RPH3A: variants seen among roughly 807,000 people sequenced by gnomAD.
RPH3A encodes rabphilin 3A.
RPH3A carries 48 observed loss-of-function variants against 102.2 expected under a neutral mutation model. The observed-to-expected ratio is 0.47, with a 90% CI of 0.37 to 0.60. The LOEUF is 0.60. Ranked by LOEUF, RPH3A falls within the 20% of genes least tolerant of loss-of-function variation. RPH3A has a pLI of 0.00. For synonymous variants in RPH3A, 310 were observed against 324.3 expected (o/e 0.96, Z 0.47); for missense variants, 781 against 910.1 (o/e 0.86, Z 1.83).
intron 1 of RPH3A, among the ~76,000 whole-genome samples, chr12:112,699,257 A>G (rs1167210303): frequency 6.6e-6 from 1 of 152,220 alleles, no homozygotes; most frequent in Non-Finnish European, 1.5e-5. Flanking sequence ...TATAGTTACT[A>G]TATGACCCAG....
intron 1 of RPH3A, among the ~76,000 whole-genome samples, chr12:112,733,793 A>G (rs2040650310): frequency 6.6e-6 from 1 of 152,214 alleles, no homozygotes; most frequent in Admixed American, 6.5e-5. Context: ...CAGAGTGGGC[A>G]TGGCAGATGC....
At chr12:112,768,641 A>C (rs2040907377) in intron 1 of RPH3A, among the ~76,000 whole-genome samples, 1 of 152,206 alleles carries the variant, frequency 6.6e-6, no homozygotes, top group Non-Finnish European at 1.5e-5. Flanking sequence ...GGCTGGATAC[A>C]GTGGCTAATG....
intron 1 of RPH3A, among the ~76,000 whole-genome samples, chr12:112,785,851 T>C (rs1210847928): frequency 2.6e-5 from 4 of 152,166 alleles, no homozygotes; most frequent in Non-Finnish European, 2.9e-5. Context: ...TCCTCTTACT[T>C]ATGGTCACTT....
At chr12:112,811,418 C>A (rs1373471270) in intron 2 of RPH3A, among the ~76,000 whole-genome samples, 1 of 152,124 alleles carries the variant, frequency 6.6e-6, no homozygotes, top group Non-Finnish European at 1.5e-5. Context: ...AAATCACAGC[C>A]TTCCTGCTCC....
intron 4 of RPH3A, among the ~76,000 whole-genome samples, chr12:112,838,209 C>T (rs528466022): frequency 1.4e-4 from 22 of 152,198 alleles, no homozygotes; most frequent in Admixed American, 4.6e-4. Flanking sequence ...AGGAGCACTA[C>T]GTGGAGGAGA....
rs1308907592 is a variant in RPH3A, at chr12:112,791,891, A to AGAGAGAGAGAGAGAGAGAGAGAGAGG, written c.-247_-246insGAGAGAGAGAGGGAGAGAGAGAGAGA. ...GGGAGAGAGAGAGAGAGAGAGAGAG[A>AGAGAGAGAGAGAGAGAGAGAGAGAGG]GAGAGAGAGAGAGACTCACAGAGCT... is the stretch of plus-strand genomic sequence containing the variant. On this transcript the variant is annotated 5_prime_UTR_variant, in exon 1 of 22. Coordinates refer to ENST00000389385, the MANE Select transcript of RPH3A (RefSeq NM_001143854.2). 1 of 150,538 alleles carries AGAGAGAGAGAGAGAGAGAGAGAGAGG rather than the reference A, an allele frequency of 6.6e-6. No individual in the cohort carries two copies. The highest frequency in any genetic ancestry group is 1.5e-5 in the Non-Finnish European group (1 of 67,676). The allele number at this position is 150,538 out of a possible 1,614,324, so 9.3% of individuals were successfully genotyped here.
At chr12:112,694,650 G>GCACACA (rs71086119) in intron 1 of RPH3A, among the ~76,000 whole-genome samples, 120 of 98,592 alleles carry the variant, frequency 1.2e-3, no homozygotes, top group East Asian at 7.0e-3. Context: ...GCGCGCACAC[G>GCACACA]CACACACACA....
At chr12:112,834,430 A>G (rs1392273990) in intron 3 of RPH3A, among the ~76,000 whole-genome samples, 1 of 152,238 alleles carries the variant, frequency 6.6e-6, no homozygotes, top group Non-Finnish European at 1.5e-5. Flanking sequence ...TTGTATAGAC[A>G]CATACTTTCA....
chr12:112,809,457 G>T lies in RPH3A; in HGVS notation c.-19+17194G>T, dbSNP rs545746243. 2.7e-4 allele frequency among the ~76,000 whole-genome samples: 41 copies of T among 152,150 alleles called. 1 individual carries two copies. The South Asian group carries it at 8.1e-3, about 30-fold the overall frequency. On this transcript the variant is annotated intron_variant, in intron 2 of 21. Transcript: ENST00000389385. ...AGGAGAGGTTGACATGAAGCACTAA[G>T]GGCAGAAAAAAACAAGGGGAAATAG...
At chr12:112,772,752 A>T (rs987153930) in intron 1 of RPH3A, among the ~76,000 whole-genome samples, 13 of 151,966 alleles carry the variant, frequency 8.6e-5, no homozygotes, top group African/African-American at 3.1e-4. Flanking sequence ...TATATTTTCC[A>T]TAAGTTATTG....
chr12:112,743,889 C>A (rs975280574), intron 1 of RPH3A, among the ~76,000 whole-genome samples: 3 of 152,126 alleles, frequency 2.0e-5, no homozygotes, highest in African/African-American at 7.2e-5. Flanking sequence ...TCTGATTTGC[C>A]TCCATCAACA....
Position 112,896,642 on chromosome 12 carries a change from T to C in RPH3A, c.1955-8T>C, listed in dbSNP as rs1416580503. 6.2e-7 allele frequency: 1 copy of C among 1,614,034 alleles called. No individual in the cohort carries two copies. The highest frequency in any genetic ancestry group is 8.5e-7 in the Non-Finnish European group (1 of 1,179,954). ...CCACCTGCTCCTATCTTCCCATTTATCCTCCAGGAGGCTGCCAGCTGGGGA... is the reference window on the plus strand; with the variant it reads ...CCACCTGCTCCTATCTTCCCATTTACCCTCCAGGAGGCTGCCAGCTGGGGA... On this transcript the variant is annotated splice_region_variant and splice_polypyrimidine_tract_variant and intron_variant, in intron 21 of 21. Coordinates refer to ENST00000389385, the MANE Select transcript of RPH3A (RefSeq NM_001143854.2).
At chr12:112,892,969 T>C (rs1417892545) in intron 19 of RPH3A, 3 of 152,228 alleles carry the variant, frequency 2.0e-5, no homozygotes, top group African/African-American at 7.2e-5. Context: ...AAGTTTGGTT[T>C]CTAAGAGTAA....
At chr12:112,780,935 C>T (rs907080356) in intron 1 of RPH3A, among the ~76,000 whole-genome samples, 5 of 152,050 alleles carry the variant, frequency 3.3e-5, no homozygotes, top group African/African-American at 9.7e-5. Flanking sequence ...GGGTGGATCA[C>T]CTGAGGTCAA....
At chr12:112,709,127 A>C (rs990323489) in intron 1 of RPH3A, among the ~76,000 whole-genome samples, 4 of 152,154 alleles carry the variant, frequency 2.6e-5, no homozygotes, top group African/African-American at 9.7e-5. Flanking sequence ...AAGTGATTTT[A>C]TTTTGATTTT....
chr12:112,830,635 C>G (rs1164679685), intron 3 of RPH3A, among the ~76,000 whole-genome samples: 1 of 151,950 alleles, frequency 6.6e-6, no homozygotes, highest in Non-Finnish European at 1.5e-5. Context: ...GTCAATTTCC[C>G]CTTGTGGTTC....
intron 1 of RPH3A, among the ~76,000 whole-genome samples, chr12:112,765,539 T>G (rs960563394): frequency 2.0e-5 from 3 of 152,196 alleles, no homozygotes; most frequent in African/African-American, 7.2e-5. Context: ...TGTTCCATAT[T>G]ACATTGTGGT....
Position 112,866,838 on chromosome 12 carries a change from G to A in RPH3A, c.442G>A (p.Glu148Lys). Residue 148 changes from glutamate (E) to lysine (K), a missense_variant and splice_region_variant, in exon 7 of 22, where the codon GAG becomes AAG. Physicochemically the swap from Glu to Lys is moderately conservative, Grantham distance 56. Around this residue, in one of 2 missense-constraint regions of RPH3A, gnomAD observed 730 missense variants for 810.0 expected, o/e 0.90. Transcript: ENST00000389385. ...WLCKICIEQR[E>K]VWKRSGAWFF... is the part of the protein sequence containing the mutation. ...CTGCAAAATCTGCATTGAGCAGAGG[G>A]AGGTGAGTGCCCTGGTCCCACCTGG... 1 of 1,607,294 alleles carries A rather than the reference G, an allele frequency of 6.2e-7. No homozygotes were observed. Among genetic ancestry groups the A allele is most frequent in the Non-Finnish European group, 8.5e-7 (1 of 1,176,338 alleles).
intron 2 of RPH3A, among the ~76,000 whole-genome samples, chr12:112,795,463 A>G (rs1259257931): frequency 1.3e-5 from 2 of 152,202 alleles, no homozygotes; most frequent in African/African-American, 2.4e-5. Context: ...GAAAGAGTGA[A>G]GGAGGTACTG....
Sources: gnomAD v4.1 joint callset for allele counts (sites outside exome capture counted in the v4.1 genomes callset) on GRCh38, gnomAD v4.1.1 for gene constraint, gnomAD v4.1.1 regional missense constraint, MANE v1.5 for transcripts, NCBI Gene and HGNC (gene_info 2026-07-23, HGNC 2026-07-21) for gene names.